The following LRRC37B variants were observed in gnomAD, a reference collection of about 807,000 sequenced individuals.
The protein encoded by LRRC37B is leucine rich repeat containing 37B, also known as leucine-rich repeat-containing protein 37B.
LRRC37B carries 28 observed loss-of-function variants against 98.3 expected under a neutral mutation model. The ratio of observed to expected loss-of-function variants is 0.28; its 90% CI spans 0.21 to 0.39. The LOEUF is 0.39. Among genes scored for constraint, LRRC37B ranks in the 10% least tolerant of loss-of-function variants. The pLI is 1.00. For synonymous variants in LRRC37B, 364 were observed against 442.7 expected, an observed-to-expected ratio of 0.82 and a Z score of 2.23; for missense variants, 938 against 1,182.7, an observed-to-expected ratio of 0.79 and a Z score of 3.03.
At chr17:32,023,044 G>A (rs966257841) in intron 1 of LRRC37B, among the ~76,000 whole-genome samples, 7 of 150,464 alleles carry the variant, frequency 4.7e-5, no homozygotes, top group Middle Eastern at 3.4e-3. Context: ...ACTCTTACTC[G>A]TTTTCTTATC....
At chr17:32,047,093 G>T (rs1911606487) in intron 8 of LRRC37B, 1 of 155,492 alleles carries the variant, frequency 6.4e-6, no homozygotes, top group African/African-American at 2.4e-5. Flanking sequence ...CTACACCCTG[G>T]ATCCCTGCCC....
At chr17:32,040,981 T>C (rs1911410160) in intron 7 of LRRC37B, 1 of 845,656 alleles carries the variant, frequency 1.2e-6, no homozygotes, top group African/African-American at 1.7e-5. Context: ...CGTCAGGCGC[T>C]GGAGAAGTTT....
rs545309540 is a variant in LRRC37B, at chr17:32,013,264, C to G, written c.-190-4708C>G. 7.2e-5 allele frequency among the ~76,000 whole-genome samples: 11 copies of G among 152,272 alleles called. No homozygotes were observed. In the South Asian group the frequency reaches 2.3e-3, roughly 32 times the overall value. On this transcript the variant is annotated intron_variant, in intron 1 of 14. Transcript: ENST00000543378. Reference sequence around the variant, plus strand: ...AAGGCATCTGCCCACCTCAGCCTCCCAAAATGCTGGGATTATAGGTGTGAG... The same window carrying G: ...AAGGCATCTGCCCACCTCAGCCTCCGAAAATGCTGGGATTATAGGTGTGAG...
intron 11 of LRRC37B, chr17:32,051,103 A>C (rs1047175415): frequency 1.3e-5 from 2 of 152,238 alleles, no homozygotes; most frequent in African/African-American, 4.8e-5. Flanking sequence ...GCCTTTGTCC[A>C]TCTACAATGC....
intron 5 of LRRC37B, among the ~76,000 whole-genome samples, chr17:32,033,039 A>G (rs935031228): frequency 2.6e-5 from 4 of 152,092 alleles, no homozygotes; most frequent in East Asian, 1.9e-4. Flanking sequence ...TGGCGGGCAC[A>G]TGTAATCCTA....
chr17:32,023,743 T>G (rs564516583), intron 1 of LRRC37B, among the ~76,000 whole-genome samples: 1 of 152,340 alleles, frequency 6.6e-6, no homozygotes, highest in Admixed American at 6.5e-5. Flanking sequence ...CCAGAACTCC[T>G]CTTTGTCCCT....
exon 6 of LRRC37B, chr17:32,034,959 G>A: frequency 6.2e-7 from 1 of 1,610,178 alleles, no homozygotes; most frequent in South Asian, 1.1e-5. Flanking sequence ...ATATCTCTTT[G>A]AACTGCCGGC....
At chr17:32,051,945 A>G (rs1188514080) in intron 11 of LRRC37B, 1 of 151,790 alleles carries the variant, frequency 6.6e-6, no homozygotes, top group Admixed American at 6.6e-5. Context: ...TTGTATTGCC[A>G]TTGTAAATGG....
intron 7 of LRRC37B, among the ~76,000 whole-genome samples, chr17:32,043,875 G>GC (rs11297041): frequency 6.7e-6 from 1 of 149,768 alleles, no homozygotes; most frequent in South Asian, 2.2e-4. Flanking sequence ...CTCAAAAGAG[G>GC]CCCCCCCTAC....
At chr17:32,021,511 A>G in exon 1 of LRRC37B, 1 of 1,613,994 alleles carries the variant, frequency 6.2e-7, no homozygotes, top group South Asian at 1.1e-5. Context: ...CAGGACTTAA[A>G]TGACAAGCGG....
chr17:32,046,804 C>A (rs1331441549), intron 8 of LRRC37B, among the ~76,000 whole-genome samples: 1 of 152,124 alleles, frequency 6.6e-6, no homozygotes, highest in Non-Finnish European at 1.5e-5. Flanking sequence ...ACTTCTTCCG[C>A]TGACCTTCAG....
chr17:32,020,825 G>C (rs1910748511), upstream of LRRC37B: 1 of 773,512 alleles, frequency 1.3e-6, no homozygotes, highest in Non-Finnish European at 1.9e-6. Flanking sequence ...TCCTTGGGAA[G>C]CTCTGCCGTG....
chr17:32,027,199 A>AG (rs1311323982), intron 2 of LRRC37B, among the ~76,000 whole-genome samples: 1 of 152,136 alleles, frequency 6.6e-6, no homozygotes, highest in Non-Finnish European at 1.5e-5. Flanking sequence ...AGAAGAGAGG[A>AG]GGAAATGGAG....
chr17:32,035,538 C>A, intron 6 of LRRC37B, 27 bp from the exon 10 acceptor site: 1 of 1,596,396 alleles, frequency 6.3e-7, no homozygotes, highest in Non-Finnish European at 8.6e-7. Context: ...GGGTTCATAT[C>A]ATGAATGTTT....
In LRRC37B at chr17:32,022,639, C is replaced by T. The variant is rs753766913; in HGVS notation, c.1574C>T (p.Ser525Leu). 2.9e-5 allele frequency: 47 copies of T among 1,613,988 alleles called. 1 individual carries two copies. Among genetic ancestry groups the T allele is most frequent in the East Asian group, 1.1e-4 (5 of 44,878 alleles). The change falls in exon 1 of 12, where the codon TCG becomes TTG. Residue 525 changes from serine (S) to leucine (L), a missense_variant. By Grantham distance (145) the Ser-to-Leu change is moderately radical (BLOSUM62 -2). Coordinates refer to ENST00000327564, the Ensembl canonical transcript of LRRC37B. ...GGTCCACCTACAAAGTTAGAATCTT[C>T]GCAGGATTCATTGGTGCAGTCTGAA...
chr17:32,047,967 C>A (rs1911639205), intron 9 of LRRC37B, 66 bp downstream of exon 12: 1 of 1,613,200 alleles, frequency 6.2e-7, no homozygotes, highest in African/African-American at 1.3e-5. Flanking sequence ...CTTGCCTTAT[C>A]TCTCACTGGG....
exon 10 of LRRC37B, chr17:32,049,137 C>A: frequency 6.2e-7 from 1 of 1,613,920 alleles, no homozygotes; most frequent in African/African-American, 1.3e-5. Context: ...CGAGCAGCTA[C>A]GGTCCCTCAT....
chr17:32,007,866 G>T (rs1159057802), upstream of LRRC37B: 12 of 1,117,468 alleles, frequency 1.1e-5, no homozygotes, highest in Non-Finnish European at 1.2e-5. This position sits in a 1 kb window ranked among gnomAD's most constrained non-coding sequence, Gnocchi z 4.1. Context: ...ACCAGCGCAC[G>T]GGCCCGGCGG....
Position 32,035,654 on chromosome 17 carries a change from C to G in LRRC37B, c.2204+15C>G, listed in dbSNP as rs1464184252. The stretch of plus-strand genomic sequence containing the variant: ...CTGGAAAAACTGTAAGTTATTTTTT[C>G]TTAGATTTATTTTTACTTAGTTGGT... On this transcript the variant is annotated intron_variant, in intron 7 of 11. Coordinates refer to ENST00000327564, the Ensembl canonical transcript of LRRC37B. The G allele has an allele frequency of 6.3e-7, 1 of 1,592,988 alleles. No homozygotes were observed. Among genetic ancestry groups the G allele is most frequent in the African/African-American group, 1.4e-5 (1 of 73,968 alleles).
Sources: gnomAD v4.1 joint callset for allele counts (sites outside exome capture counted in the v4.1 genomes callset) on GRCh38, gnomAD v4.1.1 for gene constraint, Gnocchi (gnomAD v3.1) non-coding constraint, MANE v1.5 for transcripts, NCBI Gene and HGNC (gene_info 2026-07-23, HGNC 2026-07-21) for gene names.